Variants in GALK2 observed in about 807,000 individuals in gnomAD.
The protein encoded by GALK2 is galactokinase 2, also known as N-acetylgalactosamine kinase.
In GALK2, 36 loss-of-function variants were observed where a neutral mutation model predicts 52.4. That is an observed-to-expected ratio of 0.69 (90% confidence interval 0.53 to 0.91). The LOEUF (loss-of-function observed/expected upper bound fraction) is 0.91, where lower values mean the gene tolerates loss of function less well. Ranked by LOEUF, GALK2 falls within the 40% of genes least tolerant of loss-of-function variation. GALK2 has a pLI of 0.00. For synonymous variants in GALK2, 176 were observed against 199.1 expected (o/e 0.88, Z 0.98); for missense variants, 579 against 559.1 (o/e 1.04, Z -0.36).
chr15:49,335,353 C>T (rs554199767), downstream of GALK2: 69 of 1,046,220 alleles, frequency 6.6e-5, no homozygotes, highest in African/African-American at 1.0e-3. Flanking sequence ...TAGATGATTT[C>T]TCTGATTGTT....
At chr15:49,277,703 G>A (rs569492697) in intron 5 of GALK2, among the ~76,000 whole-genome samples, 3 of 151,148 alleles carry the variant, frequency 2.0e-5, no homozygotes, top group Admixed American at 2.0e-4. Context: ...GGCTGAGGCA[G>A]GAGAATGGCG....
chr15:49,262,096 G>T (rs1346895980), intron 5 of GALK2, among the ~76,000 whole-genome samples: 3 of 152,144 alleles, frequency 2.0e-5, no homozygotes, highest in Non-Finnish European at 4.4e-5. Context: ...ATGAGTTAGG[G>T]AGGATTCCCT....
At chr15:49,219,475 C>T (rs1182961060) in intron 3 of GALK2, among the ~76,000 whole-genome samples, 2 of 152,114 alleles carry the variant, frequency 1.3e-5, no homozygotes, top group African/African-American at 4.8e-5. Flanking sequence ...TCAAGTATGT[C>T]TTTATCAGCA....
intron 4 of GALK2, 47 bp downstream of exon 4, chr15:49,235,988 G>A (rs375274367): frequency 1.7e-5 from 18 of 1,065,946 alleles, no homozygotes; most frequent in Non-Finnish European, 2.2e-5. Context: ...ATTATCATGT[G>A]TATTCTGTCA....
chr15:49,186,205 C>G (rs539867082), intron 1 of GALK2, among the ~76,000 whole-genome samples: 2 of 152,146 alleles, frequency 1.3e-5, no homozygotes, highest in Middle Eastern at 3.4e-3. Context: ...CTATCCCAGT[C>G]TCTCTCACTC....
At chr15:49,182,665 T>A (rs2086062175) in intron 1 of GALK2, among the ~76,000 whole-genome samples, 1 of 152,236 alleles carries the variant, frequency 6.6e-6, no homozygotes, top group East Asian at 1.9e-4. Context: ...ATTATCTTTT[T>A]TTTGGATAAA....
chr15:49,279,830 T>C (rs1435817423), intron 5 of GALK2, among the ~76,000 whole-genome samples: 1 of 152,228 alleles, frequency 6.6e-6, no homozygotes, highest in Non-Finnish European at 1.5e-5. Context: ...GATCTTTTGG[T>C]TACTAATTTA....
chr15:49,170,009 A>G (rs1312893575), upstream of GALK2: 3 of 320,634 alleles, frequency 9.4e-6, no homozygotes, highest in African/African-American at 6.2e-5. Context: ...CAAAAAGAAA[A>G]CCTCACTAGT....
chr15:49,325,720 T>C (rs1205862332), intron 9 of GALK2, among the ~76,000 whole-genome samples: 1 of 152,190 alleles, frequency 6.6e-6, no homozygotes. Flanking sequence ...CATTCTTTAT[T>C]TGGGAAATTT....
At chr15:49,264,846 C>G (rs867437561) in intron 5 of GALK2, among the ~76,000 whole-genome samples, 1 of 152,140 alleles carries the variant, frequency 6.6e-6, no homozygotes, top group Non-Finnish European at 1.5e-5. Context: ...CACTCCAGAC[C>G]CTGTTTGCCT....
At chr15:49,276,931 T>G (rs34481212) in intron 5 of GALK2, among the ~76,000 whole-genome samples, 5 of 147,814 alleles carry the variant, frequency 3.4e-5, no homozygotes, top group Non-Finnish European at 6.0e-5. Flanking sequence ...TTGGTTTTTG[T>G]TTTTTTAACC....
At chr15:49,226,936 A>C (rs1282012606) in intron 3 of GALK2, among the ~76,000 whole-genome samples, 1 of 152,216 alleles carries the variant, frequency 6.6e-6, no homozygotes, top group Non-Finnish European at 1.5e-5. Context: ...CATTGTATCT[A>C]AGAAGGTATT....
At chr15:49,241,763 T>C (rs1281581044) in intron 5 of GALK2, among the ~76,000 whole-genome samples, 1 of 152,192 alleles carries the variant, frequency 6.6e-6, no homozygotes, top group African/African-American at 2.4e-5. Context: ...AGTTTTTCTA[T>C]TTTTCTGGTG....
At chr15:49,345,106 G>A (rs2041274579) in intron 3 of GALK2, among the ~76,000 whole-genome samples, 1 of 152,232 alleles carries the variant, frequency 6.6e-6, no homozygotes, top group East Asian at 1.9e-4. Context: ...GCTCTCTTGA[G>A]TATCATTTCC....
chr15:49,217,612 TCCAGC>T (rs2089483538), intron 3 of GALK2, among the ~76,000 whole-genome samples: 1 of 152,226 alleles, frequency 6.6e-6, no homozygotes, highest in Non-Finnish European at 1.5e-5. Context: ...TCTAATTATC[TCCAGC>T]AAAGTCAGGT....
intron 1 of GALK2, among the ~76,000 whole-genome samples, chr15:49,191,617 T>C (rs2086727800): frequency 6.6e-6 from 1 of 152,210 alleles, no homozygotes; most frequent in African/African-American, 2.4e-5. Context: ...AAAAGGCACA[T>C]GATGTATATG....
intron 8 of GALK2, among the ~76,000 whole-genome samples, chr15:49,308,156 C>A (rs547152848): frequency 5.9e-5 from 9 of 152,254 alleles, no homozygotes; most frequent in Non-Finnish European, 1.3e-4. Context: ...CCTCAGAGCA[C>A]GGACTTTTTA....
intron 3 of GALK2, among the ~76,000 whole-genome samples, chr15:49,228,453 A>C (rs1278815478): frequency 6.6e-6 from 1 of 150,790 alleles, no homozygotes; most frequent in Non-Finnish European, 1.5e-5. Context: ...TGTTATTTCA[A>C]AAGAGCTATC....
At chr15:49,362,321 C>A (rs1366450729) in intron 3 of GALK2, among the ~76,000 whole-genome samples, 1 of 152,084 alleles carries the variant, frequency 6.6e-6, no homozygotes, top group Non-Finnish European at 1.5e-5. Context: ...ACTCTCCTAC[C>A]ACCACGTGAA....
Sources: gnomAD v4.1 joint callset for allele counts (sites outside exome capture counted in the v4.1 genomes callset) on GRCh38, gnomAD v4.1.1 for gene constraint, MANE v1.5 for transcripts, NCBI Gene and HGNC (gene_info 2026-07-23, HGNC 2026-07-21) for gene names.